CNTLN: variants seen among roughly 807,000 people sequenced by gnomAD.
CNTLN encodes centlein, centrosomal protein.
In CNTLN, 212 loss-of-function variants were observed where a neutral mutation model predicts 180.0. The ratio of observed to expected loss-of-function variants is 1.18; its 90% CI spans 1.05 to 1.32. The LOEUF is 1.32. Among genes scored for constraint, CNTLN ranks in the 40% most tolerant of loss-of-function variants. CNTLN has a pLI of 0.00. For missense variants in CNTLN, 2,095 were observed against 1,610.9 expected, an observed-to-expected ratio of 1.30 and a Z score of -5.14; for synonymous variants, 722 against 563.1, an observed-to-expected ratio of 1.28 and a Z score of -3.99.
At chr9:17,366,144 G>T (rs980131619) in intron 12 of CNTLN, among the ~76,000 whole-genome samples, 2 of 151,906 alleles carry the variant, frequency 1.3e-5, no homozygotes, top group Non-Finnish European at 2.9e-5. Context: ...TTATTTTATG[G>T]AGACAAGGGC....
chr9:17,277,328 A>G (rs1046454059), intron 6 of CNTLN, among the ~76,000 whole-genome samples: 21 of 152,050 alleles, frequency 1.4e-4, no homozygotes, highest in African/African-American at 5.1e-4. Context: ...TTTTGTTAGA[A>G]ATTGAGTCAA....
At chr9:17,150,907 T>C (rs1818821854) in intron 2 of CNTLN, among the ~76,000 whole-genome samples, 2 of 152,186 alleles carry the variant, frequency 1.3e-5, no homozygotes, top group African/African-American at 4.8e-5. Flanking sequence ...ATTCTCTTAG[T>C]AGCAGTTGTG....
chr9:17,226,773 G>T (rs1824493744), intron 3 of CNTLN, among the ~76,000 whole-genome samples: 1 of 151,850 alleles, frequency 6.6e-6, no homozygotes, highest in African/African-American at 2.4e-5. Flanking sequence ...TTATGGTTCT[G>T]CAGACAGTAC....
intron 18 of CNTLN, among the ~76,000 whole-genome samples, chr9:17,425,590 G>A (rs1829025500): frequency 1.3e-5 from 2 of 152,230 alleles, no homozygotes; most frequent in East Asian, 1.9e-4. Flanking sequence ...AAATGTGGAA[G>A]TGGCTTTGGA....
chr9:17,269,624 G>GA (rs1302626786), intron 5 of CNTLN, among the ~76,000 whole-genome samples: 1 of 152,062 alleles, frequency 6.6e-6, no homozygotes, highest in Non-Finnish European at 1.5e-5. Context: ...ATTGTGATCA[G>GA]AAAAAATACT....
In CNTLN at chr9:17,327,385, C is replaced by T. The variant is rs1000503080; in HGVS notation, c.1342-3247C>T. 4.0e-5 allele frequency among the ~76,000 whole-genome samples: 6 copies of T among 151,518 alleles called. No homozygotes were observed. In the East Asian group the frequency reaches 1.2e-3, roughly 30 times the overall value. On this transcript the variant is annotated intron_variant, in intron 8 of 25. Coordinates refer to ENST00000380647, the MANE Select transcript of CNTLN (RefSeq NM_017738.4). ...CTGCCACAGTGAGACGGGGTTTCAC[C>T]GTGTTAGCCAGGATGGTCTCGATCT...
intron 1 of CNTLN, among the ~76,000 whole-genome samples, chr9:17,142,125 C>T (rs1490204164): frequency 6.6e-6 from 1 of 151,690 alleles, no homozygotes; most frequent in Non-Finnish European, 1.5e-5. Flanking sequence ...AAGATTGACT[C>T]CTAAGTTTTA....
In CNTLN at chr9:17,185,429, G is replaced by A. The variant is rs143046851; in HGVS notation, c.450-40774G>A. 5.3e-3 allele frequency among the ~76,000 whole-genome samples: 805 copies of A among 152,274 alleles called. 5 individuals are homozygous for A. The highest frequency in any genetic ancestry group is 0.019 in the African/African-American group (773 of 41,550). Reference sequence around the variant, plus strand: ...CTAACTAGCATGTTGGCACAGCATTGTTTCTAAGATAAGTCACTATTTGTC... The same window carrying A: ...CTAACTAGCATGTTGGCACAGCATTATTTCTAAGATAAGTCACTATTTGTC... On this transcript the variant is annotated intron_variant, in intron 2 of 25. Transcript: ENST00000380647.
In CNTLN at chr9:17,135,355, C is replaced by G; in HGVS notation, c.290C>G (p.Ala97Gly). 6.2e-7 allele frequency: 1 copy of G among 1,600,626 alleles called. No homozygotes were observed. The change falls in exon 1 of 26, where the codon GCG (alanine) becomes GGG (glycine). Residue 97 changes from alanine (A) to glycine (G), a missense_variant. Physicochemically the swap from Ala to Gly is moderately conservative, Grantham distance 60. Coordinates refer to ENST00000380647, the MANE Select transcript of CNTLN (RefSeq NM_017738.4). ...CTAGAGGGCATCTCGGTAGAGGAGGCGATGGTGACCCGGACGCAGCTGCTG... is the reference window on the plus strand; with the variant it reads ...CTAGAGGGCATCTCGGTAGAGGAGGGGATGGTGACCCGGACGCAGCTGCTG... ...RRLEGISVEE[A>G]MVTRTQLLEE...
chr9:17,221,905 C>T (rs949422918), intron 2 of CNTLN, among the ~76,000 whole-genome samples: 9 of 152,076 alleles, frequency 5.9e-5, no homozygotes, highest in African/African-American at 2.2e-4. Context: ...ACCAACATAT[C>T]TGAATCTGTT....
At chr9:17,511,311 A>T in the CNTLN span, among the ~76,000 whole-genome samples, 2 of 152,204 alleles carry the variant, frequency 1.3e-5, no homozygotes, top group African/African-American at 4.8e-5. Context: ...AGGAACTTTG[A>T]AAAAGCAGGT....
intron 2 of CNTLN, among the ~76,000 whole-genome samples, chr9:17,171,453 A>T (rs538268067): frequency 6.6e-6 from 1 of 152,318 alleles, no homozygotes; most frequent in East Asian, 1.9e-4. Flanking sequence ...AGATTGTAGG[A>T]GTCCTCAGCA....
chr9:17,391,173 C>A (rs1826083654), intron 14 of CNTLN, among the ~76,000 whole-genome samples: 1 of 152,098 alleles, frequency 6.6e-6, no homozygotes, highest in African/African-American at 2.4e-5. Flanking sequence ...TGGTAATAGG[C>A]TAAGGAGGGG....
At position 17,489,955 on chromosome 9, in the gene CNTLN, A is replaced by T. The variant is rs1181770557; in HGVS notation, c.4119+2889A>T. On this transcript the variant is annotated intron_variant, in intron 25 of 25. Coordinates refer to ENST00000380647, the MANE Select transcript of CNTLN (RefSeq NM_017738.4). The stretch of plus-strand genomic sequence containing the variant: ...TCTTTGAACATTTTTAATCTGTATA[A>T]ATCTCTCTTTTCACATTGATATATT... Among the ~76,000 whole-genome samples, 6 of 152,248 alleles carry T rather than the reference A, an allele frequency of 3.9e-5. 1 individual carries two copies. In the South Asian group the frequency reaches 1.2e-3, roughly 32 times the overall value.
chr9:17,522,104 T>C, the CNTLN span, among the ~76,000 whole-genome samples: 1 of 152,174 alleles, frequency 6.6e-6, no homozygotes, highest in Non-Finnish European at 1.5e-5. Context: ...ATAGTCTCAG[T>C]TTCCAGTCTC....
chr9:17,184,810 T>C (rs562126719), intron 2 of CNTLN, among the ~76,000 whole-genome samples: 2 of 152,272 alleles, frequency 1.3e-5, no homozygotes, highest in South Asian at 2.1e-4. Flanking sequence ...CAAAACCTGA[T>C]AAGGACTAAG....
At chr9:17,290,202 T>G (rs1253233936) in intron 6 of CNTLN, among the ~76,000 whole-genome samples, 1 of 152,118 alleles carries the variant, frequency 6.6e-6, no homozygotes, top group Non-Finnish European at 1.5e-5. Flanking sequence ...GGATGTCCTT[T>G]CTGTTTGTTA....
intron 18 of CNTLN, chr9:17,447,217 A>C (rs1245414865): frequency 1.8e-5 from 4 of 216,352 alleles, no homozygotes; most frequent in Non-Finnish European, 4.0e-5. Context: ...CTCCCATAGG[A>C]AAGTAGTAAT....
At chr9:17,442,645 C>T (rs141643336) in intron 18 of CNTLN, among the ~76,000 whole-genome samples, 1,575 of 152,260 alleles carry the variant, frequency 0.01, 19 homozygotes, top group African/African-American at 0.035. Context: ...GTGATTCACT[C>T]GCCTTGGCCT....
Sources: allele counts gnomAD v4.1 joint callset (sites outside exome capture counted in the v4.1 genomes callset), GRCh38; gene constraint gnomAD v4.1.1; transcripts MANE v1.5; gene names NCBI Gene and HGNC (gene_info 2026-07-23, HGNC 2026-07-21).